SORCS1: variants seen among roughly 807,000 people sequenced by gnomAD.
SORCS1 encodes sortilin related VPS10 domain containing receptor 1, also known as VPS10 domain-containing receptor SorCS1.
In SORCS1, 60 loss-of-function variants were observed where a neutral mutation model predicts 146.1. That is an observed-to-expected ratio of 0.41 (90% confidence interval 0.33 to 0.51). The LOEUF is 0.51. Ranked by LOEUF, SORCS1 falls within the 20% of genes least tolerant of loss-of-function variation. The pLI is 0.21. For synonymous variants in SORCS1, 637 were observed against 584.0 expected, an observed-to-expected ratio of 1.09 and a Z score of -1.31; for missense variants, 1,352 against 1,487.6, an observed-to-expected ratio of 0.91 and a Z score of 1.50.
chr10:107,108,223 C>T (rs1965434452), intron 1 of SORCS1, among the ~76,000 whole-genome samples: 1 of 152,178 alleles, frequency 6.6e-6, no homozygotes, highest in Admixed American at 6.5e-5. Flanking sequence ...CCTGAAGCAT[C>T]CTTGCATGTA....
intron 14 of SORCS1, among the ~76,000 whole-genome samples, 179 bp from the exon 15 acceptor site, chr10:106,673,164 G>T (rs932294945): frequency 6.9e-6 from 1 of 144,016 alleles, no homozygotes; most frequent in Non-Finnish European, 1.5e-5. Context: ...ACAGAGTCTC[G>T]CTCTGTCACC....
chr10:106,869,849 A>C (rs1176204707), intron 2 of SORCS1, among the ~76,000 whole-genome samples: 1 of 152,138 alleles, frequency 6.6e-6, no homozygotes, highest in Non-Finnish European at 1.5e-5. Context: ...CAGAGAAATC[A>C]GGCAAGGGAA....
intron 1 of SORCS1, among the ~76,000 whole-genome samples, chr10:107,053,039 G>C (rs1335152629): frequency 6.6e-6 from 1 of 152,024 alleles, no homozygotes; most frequent in African/African-American, 2.4e-5. Context: ...AAAACCATGA[G>C]TCAATGATAT....
intron 1 of SORCS1, among the ~76,000 whole-genome samples, chr10:106,970,387 G>A (rs1955722862): frequency 1.6e-5 from 2 of 123,730 alleles, no homozygotes; most frequent in Admixed American, 9.6e-5. Flanking sequence ...CTCCCAGGCT[G>A]GAGTGCAGTG....
intron 1 of SORCS1, among the ~76,000 whole-genome samples, chr10:106,978,522 G>A (rs183549822): frequency 5.3e-5 from 8 of 152,142 alleles, no homozygotes; most frequent in African/African-American, 1.9e-4. Flanking sequence ...AATAGTGGCC[G>A]GGCATGGTAG....
intron 1 of SORCS1, among the ~76,000 whole-genome samples, chr10:107,014,506 C>T (rs1957818927): frequency 6.6e-6 from 1 of 152,126 alleles, no homozygotes. Flanking sequence ...TGCCAAAATG[C>T]TTCTTTCCTC....
intron 1 of SORCS1, among the ~76,000 whole-genome samples, chr10:107,021,852 C>A (rs1364149554): frequency 6.6e-6 from 1 of 152,152 alleles, no homozygotes; most frequent in Non-Finnish European, 1.5e-5. Context: ...CAAATATCAT[C>A]TTCTACTTTA....
intron 2 of SORCS1, among the ~76,000 whole-genome samples, chr10:106,948,364 A>C (rs1454269749): frequency 6.6e-6 from 1 of 152,066 alleles, no homozygotes; most frequent in Non-Finnish European, 1.5e-5. Flanking sequence ...TTTTTTTAAA[A>C]AAACATAGTT....
chr10:106,858,696 C>A (rs1949887700), intron 2 of SORCS1, among the ~76,000 whole-genome samples: 1 of 151,884 alleles, frequency 6.6e-6, no homozygotes, highest in Non-Finnish European at 1.5e-5. Flanking sequence ...GTAGGTTACC[C>A]TTACCACTGA....
chr10:106,922,478 C>T (rs1029158931), intron 2 of SORCS1, among the ~76,000 whole-genome samples: 1 of 152,154 alleles, frequency 6.6e-6, no homozygotes, highest in African/African-American at 2.4e-5. Flanking sequence ...ACTTTGATAC[C>T]ATCAAATAAC....
At chr10:106,810,481 AC>A (rs1289150057) in intron 3 of SORCS1, among the ~76,000 whole-genome samples, 3 of 152,312 alleles carry the variant, frequency 2.0e-5, no homozygotes, top group Admixed American at 6.5e-5. Context: ...TGTGTTTCAT[AC>A]CAAGACAGAG....
At chr10:106,694,244 G>C (rs1853523183) in intron 9 of SORCS1, among the ~76,000 whole-genome samples, 1 of 152,104 alleles carries the variant, frequency 6.6e-6, no homozygotes, top group African/African-American at 2.4e-5. Context: ...ACAGTAGCCT[G>C]AAATAATAGT....
chr10:106,736,370 C>T (rs1414905845), intron 5 of SORCS1, among the ~76,000 whole-genome samples: 1 of 152,114 alleles, frequency 6.6e-6, no homozygotes, highest in Non-Finnish European at 1.5e-5. Flanking sequence ...GAGGAGGGAC[C>T]TGCAGAGGAA....
chr10:106,730,877 A>C (rs1376520235), intron 5 of SORCS1, among the ~76,000 whole-genome samples: 1 of 152,142 alleles, frequency 6.6e-6, no homozygotes, highest in Non-Finnish European at 1.5e-5. Flanking sequence ...CTTTTTGAAA[A>C]AATCAGGCTT....
rs188173603 is a variant in SORCS1 at position 107,071,614 on chromosome 10, C to A, written c.558+92355G>T. Among the ~76,000 whole-genome samples the A allele has an allele frequency of 3.4e-3, 522 of 152,286 alleles. 7 individuals are homozygous for A. Among genetic ancestry groups the A allele is most frequent in the Admixed American group, 0.024 (363 of 15,286 alleles). ...GCGCACCACATCCCTGGAAAATCAT[C>A]CCTCTAGATTAATCTACTTCCTTGG... is the stretch of plus-strand genomic sequence containing the variant. On this transcript the variant is annotated intron_variant, in intron 1 of 25. Transcript: ENST00000263054.
intron 2 of SORCS1, among the ~76,000 whole-genome samples, chr10:106,916,684 A>T (rs1952449626): frequency 6.6e-6 from 1 of 151,002 alleles, no homozygotes. Context: ...ATATATTTCC[A>T]TTAAAGATCT....
intron 1 of SORCS1, among the ~76,000 whole-genome samples, chr10:106,966,913 T>TA (rs1955521128): frequency 6.6e-6 from 1 of 151,952 alleles, no homozygotes; most frequent in Non-Finnish European, 1.5e-5. Context: ...AAAATAAAAA[T>TA]AAAAAATAAG....
rs541952156 is a variant in SORCS1 at position 107,157,641 on chromosome 10, G to A, written c.558+6328C>T. Among the ~76,000 whole-genome samples, 16 of 152,284 alleles carry A rather than the reference G, an allele frequency of 1.1e-4. No homozygotes were observed. The East Asian group carries it at 3.1e-3, about 29-fold the overall frequency. ...GTGTAAAATCTCACATAGGATTTCC[G>A]ACAGAGCATCCACGTCCTTTTTTTA... On this transcript the variant is annotated intron_variant, in intron 1 of 25. Coordinates refer to ENST00000263054, the MANE Select transcript of SORCS1 (RefSeq NM_052918.5).
At chr10:107,139,720 C>A (rs561108060) in intron 1 of SORCS1, among the ~76,000 whole-genome samples, 2 of 152,306 alleles carry the variant, frequency 1.3e-5, no homozygotes, top group Admixed American at 1.3e-4. Flanking sequence ...GCAAGCTCTT[C>A]ACTGAACTAT....
Sources: gnomAD v4.1 joint callset for allele counts (sites outside exome capture counted in the v4.1 genomes callset) on GRCh38, gnomAD v4.1.1 for gene constraint, MANE v1.5 for transcripts, NCBI Gene and HGNC (gene_info 2026-07-23, HGNC 2026-07-21) for gene names.